LIN52: variants seen among roughly 807,000 people sequenced by gnomAD.
LIN52 encodes the protein lin-52 DREAM MuvB core complex component.
In LIN52, 4 loss-of-function variants were observed where a neutral mutation model predicts 18.5. The ratio of observed to expected loss-of-function variants is 0.22; its 90% CI spans 0.11 to 0.49. The LOEUF (loss-of-function observed/expected upper bound fraction) is 0.49. Among genes scored for constraint, LIN52 ranks in the 20% least tolerant of loss-of-function variants. The pLI is 0.97. For missense variants in LIN52, 102 were observed against 139.5 expected (o/e 0.73, Z 1.35); for synonymous variants, 34 against 45.5 (o/e 0.75, Z 1.02).
intron 2 of LIN52, among the ~76,000 whole-genome samples, chr14:74,091,773 CAAAAAAAAAAAA>C (rs573705378): frequency 3.1e-5 from 2 of 65,298 alleles, no homozygotes; most frequent in Non-Finnish European, 5.8e-5. Context: ...GACTCTGTCT[CAAAAAAAAAAAA>C]AAAAAAAAAA....
intron 5 of LIN52, among the ~76,000 whole-genome samples, chr14:74,187,339 TGA>T (rs1366987002): frequency 6.6e-6 from 1 of 152,166 alleles, no homozygotes; most frequent in Non-Finnish European, 1.5e-5. Flanking sequence ...CAAAAAATAA[TGA>T]GTTAGCAGAG....
At chr14:74,147,266 C>A (rs760440557) in intron 5 of LIN52, among the ~76,000 whole-genome samples, 2 of 151,972 alleles carry the variant, frequency 1.3e-5, no homozygotes, top group East Asian at 3.9e-4. Context: ...CTCAAACAAA[C>A]AAAATATCCA....
intron 5 of LIN52, among the ~76,000 whole-genome samples, chr14:74,134,354 G>A (rs1260241716): frequency 6.6e-6 from 1 of 152,176 alleles, no homozygotes; most frequent in African/African-American, 2.4e-5. Context: ...GCTTTGATTT[G>A]CATTAACTTG....
At chr14:74,168,068 C>A (rs994147238) in intron 5 of LIN52, among the ~76,000 whole-genome samples, 1 of 152,246 alleles carries the variant, frequency 6.6e-6, no homozygotes, top group Non-Finnish European at 1.5e-5. Context: ...AGTTTCCTAT[C>A]AGTGGTAATG....
chr14:74,155,501 C>T (rs1032714884), intron 5 of LIN52, among the ~76,000 whole-genome samples: 2 of 152,136 alleles, frequency 1.3e-5, no homozygotes, highest in Non-Finnish European at 2.9e-5. Flanking sequence ...CAAACATGAG[C>T]GCCGGATGGA....
intron 5 of LIN52, among the ~76,000 whole-genome samples, chr14:74,137,759 A>C (rs2061106758): frequency 1.3e-5 from 2 of 152,122 alleles, no homozygotes; most frequent in African/African-American, 4.8e-5. Context: ...CAGCCTCCCA[A>C]AGTGCTGAGA....
At chr14:74,130,823 T>C (rs2061061823) in intron 5 of LIN52, among the ~76,000 whole-genome samples, 1 of 151,900 alleles carries the variant, frequency 6.6e-6, no homozygotes, top group Non-Finnish European at 1.5e-5. Context: ...TGACCTCAAG[T>C]GATCCACCCG....
In LIN52 at chr14:74,160,930, G is replaced by A. The variant is rs539456010; in HGVS notation, c.284-37992G>A. On this transcript the variant is annotated intron_variant, in intron 5 of 5. Coordinates refer to ENST00000555028, the MANE Select transcript of LIN52 (RefSeq NM_001024674.3). ...TTATAATCAGGTTATTTCATCTTTTGCGTTCTCGTCAGCCACTAATCTTGT... is the reference window on the plus strand; with the variant it reads ...TTATAATCAGGTTATTTCATCTTTTACGTTCTCGTCAGCCACTAATCTTGT... 3.3e-5 allele frequency among the ~76,000 whole-genome samples: 5 copies of A among 152,290 alleles called. No homozygotes were observed. The South Asian group carries it at 8.3e-4, about 25-fold the overall frequency.
rs908245627 is a variant in LIN52 at position 74,200,716 on chromosome 14, A to G, written c.*1739A>G. The G allele has an allele frequency of 1.4e-4, 22 of 152,262 alleles. No individual in the cohort carries two copies. Among genetic ancestry groups the G allele is most frequent in the Admixed American group, 1.4e-3 (22 of 15,288 alleles). 9.4% of individuals were successfully genotyped at this position (152,262 alleles called of 1,614,324 possible). ...AAGTAAAACATTCTGCTGGGGTGCT[A>G]CATAGAAGGTTAGGTTGTAGGGGCT... is the stretch of plus-strand genomic sequence containing the variant. On this transcript the variant is annotated 3_prime_UTR_variant, in exon 6 of 6. Transcript: ENST00000555028.
intron 5 of LIN52, among the ~76,000 whole-genome samples, chr14:74,112,405 A>G (rs2139905737): frequency 6.6e-6 from 1 of 152,076 alleles, no homozygotes; most frequent in African/African-American, 2.4e-5. Context: ...CCTCCGGTTC[A>G]AGCGATTCTC....
chr14:74,181,397 A>G (rs2061318128), intron 5 of LIN52, among the ~76,000 whole-genome samples: 1 of 150,156 alleles, frequency 6.7e-6, no homozygotes, highest in South Asian at 2.1e-4. Context: ...CCATGATCAC[A>G]CCAGTGCCCT....
Position 74,102,360 on chromosome 14 carries a change from C to A in LIN52, c.283+1122C>A, listed in dbSNP as rs574897930. 2.6e-5 allele frequency among the ~76,000 whole-genome samples: 4 copies of A among 152,208 alleles called. No homozygotes were observed. The South Asian group carries it at 8.3e-4, about 32-fold the overall frequency. On this transcript the variant is annotated intron_variant, in intron 5 of 5. Coordinates refer to ENST00000555028, the MANE Select transcript of LIN52 (RefSeq NM_001024674.3). The stretch of plus-strand genomic sequence containing the variant: ...TCATCAGCAGTTGGCTTTCTTTTAC[C>A]AAGAAAACATTTTTGAATTGGTTAT...
chr14:74,111,975 G>A (rs2060932156), intron 5 of LIN52, among the ~76,000 whole-genome samples: 2 of 151,624 alleles, frequency 1.3e-5, no homozygotes, highest in South Asian at 4.2e-4. Context: ...CCGCCTCCGT[G>A]GTTCAAGCTA....
intron 5 of LIN52, among the ~76,000 whole-genome samples, chr14:74,148,495 G>A (rs1367872159): frequency 6.6e-6 from 1 of 152,116 alleles, no homozygotes; most frequent in Non-Finnish European, 1.5e-5. Flanking sequence ...GAAGTTGACA[G>A]AAATGAGAGA....
chr14:74,183,379 A>G (rs911156850), intron 5 of LIN52, among the ~76,000 whole-genome samples: 1 of 152,100 alleles, frequency 6.6e-6, no homozygotes, highest in African/African-American at 2.4e-5. Flanking sequence ...GATTACAGGC[A>G]TGAGCCACCG....
intron 5 of LIN52, among the ~76,000 whole-genome samples, chr14:74,162,358 C>G (rs574381378): frequency 7.3e-5 from 11 of 151,446 alleles, no homozygotes; most frequent in Non-Finnish European, 1.2e-4. Flanking sequence ...CACCTGTAAT[C>G]CCAGCTGCTT....
intron 3 of LIN52, 87 bp from the exon 4 acceptor site, chr14:74,097,707 A>C: frequency 1.0e-6 from 1 of 989,078 alleles, no homozygotes; most frequent in South Asian, 1.4e-5. Context: ...CAGCCACCGC[A>C]TCCGGCCCAG....
At chr14:74,138,972 G>A (rs543251202) in intron 5 of LIN52, among the ~76,000 whole-genome samples, 1 of 151,136 alleles carries the variant, frequency 6.6e-6, no homozygotes, top group East Asian at 1.9e-4. Context: ...AAAGCTGGAG[G>A]TAGATGCACC....
At chr14:74,180,410 C>A (rs910746179) in intron 5 of LIN52, among the ~76,000 whole-genome samples, 5 of 151,716 alleles carry the variant, frequency 3.3e-5, no homozygotes, top group African/African-American at 1.2e-4. Context: ...GGACTACAGG[C>A]GCCTGCCACC....
Sources: allele counts gnomAD v4.1 joint callset (sites outside exome capture counted in the v4.1 genomes callset), GRCh38; gene constraint gnomAD v4.1.1; transcripts MANE v1.5; gene names NCBI Gene and HGNC (gene_info 2026-07-23, HGNC 2026-07-21).